SLC24A2: variants seen among roughly 807,000 people sequenced by gnomAD.
SLC24A2 encodes solute carrier family 24 member 2.
Under a neutral mutation model 62.0 loss-of-function variants are expected in SLC24A2, and 36 were observed. That is an observed-to-expected ratio of 0.58 (90% CI 0.44 to 0.77). The LOEUF (loss-of-function observed/expected upper bound fraction) is 0.77. Ranked by LOEUF, SLC24A2 falls within the 30% of genes least tolerant of loss-of-function variation. The pLI is 0.00. For missense variants in SLC24A2, 846 were observed against 817.9 expected (o/e 1.03, Z -0.42); for synonymous variants, 358 against 294.0 (o/e 1.22, Z -2.23).
the SLC24A2 span, among the ~76,000 whole-genome samples, chr9:19,934,613 A>C: frequency 6.6e-6 from 1 of 152,230 alleles, no homozygotes; most frequent in Non-Finnish European, 1.5e-5. The surrounding 1 kb of genome is among the most constrained non-coding windows in gnomAD (Gnocchi z 4.1). Context: ...ACAGGCAGCC[A>C]GCACCTCCTG....
At chr9:20,279,862 C>T in the SLC24A2 span, among the ~76,000 whole-genome samples, 1 of 152,192 alleles carries the variant, frequency 6.6e-6, no homozygotes, top group Non-Finnish European at 1.5e-5. Flanking sequence ...GTCTCAGGGA[C>T]ACACTCTCAT....
At chr9:19,723,454 A>G (rs960591814) in intron 2 of SLC24A2, among the ~76,000 whole-genome samples, 1 of 152,136 alleles carries the variant, frequency 6.6e-6, no homozygotes, top group Non-Finnish European at 1.5e-5. Context: ...CCATTCTATC[A>G]TATTCCATTT....
chr9:20,251,139 G>T, the SLC24A2 span, among the ~76,000 whole-genome samples: 1 of 152,164 alleles, frequency 6.6e-6, no homozygotes, highest in East Asian at 1.9e-4. Flanking sequence ...GCCAGCAAAA[G>T]ACACAACCAA....
intron 2 of SLC24A2, among the ~76,000 whole-genome samples, chr9:19,709,435 G>T (rs1035747133): frequency 6.6e-6 from 1 of 152,106 alleles, no homozygotes; most frequent in African/African-American, 2.4e-5. Context: ...AAATCATGCC[G>T]TTATAAAGAC....
At chr9:19,976,596 A>C in the SLC24A2 span, among the ~76,000 whole-genome samples, 1 of 152,218 alleles carries the variant, frequency 6.6e-6, no homozygotes, top group African/African-American at 2.4e-5. Flanking sequence ...ACCTAGACTT[A>C]GGTAGTTCTT....
the SLC24A2 span, among the ~76,000 whole-genome samples, chr9:20,109,233 T>C: frequency 6.6e-6 from 1 of 152,194 alleles, no homozygotes; most frequent in African/African-American, 2.4e-5. Flanking sequence ...TTAAGTGATA[T>C]ATGACTATGT....
chr9:19,965,904 A>G, the SLC24A2 span, among the ~76,000 whole-genome samples: 1 of 152,140 alleles, frequency 6.6e-6, no homozygotes, highest in Admixed American at 6.6e-5. Context: ...GTAAAGACAT[A>G]TTTCACCCAA....
the SLC24A2 span, among the ~76,000 whole-genome samples, chr9:19,939,011 C>G: frequency 2.6e-5 from 4 of 152,180 alleles, no homozygotes; most frequent in Admixed American, 6.5e-5. Context: ...CATAAGGTAT[C>G]TGTTGTTTAG....
chr9:19,975,391 C>T, the SLC24A2 span, among the ~76,000 whole-genome samples: 3 of 152,180 alleles, frequency 2.0e-5, no homozygotes, highest in Non-Finnish European at 4.4e-5. Context: ...CTTCCATGTT[C>T]ATCCCTATAC....
chr9:19,545,625 C>A (rs1410745106), intron 8 of SLC24A2, among the ~76,000 whole-genome samples: 1 of 151,726 alleles, frequency 6.6e-6, no homozygotes, highest in Non-Finnish European at 1.5e-5. Context: ...ATGTGCTATT[C>A]CTATTTTTTA....
intron 5 of SLC24A2, among the ~76,000 whole-genome samples, chr9:19,579,806 G>A (rs1836148942): frequency 6.6e-6 from 1 of 152,132 alleles, no homozygotes; most frequent in African/African-American, 2.4e-5. Flanking sequence ...TCAGAGTTTA[G>A]GTGTGTGCCA....
intron 7 of SLC24A2, among the ~76,000 whole-genome samples, chr9:19,572,566 C>T (rs1192650761): frequency 1.3e-5 from 2 of 152,184 alleles, no homozygotes; most frequent in Non-Finnish European, 2.9e-5. Flanking sequence ...GACATGCTTG[C>T]TTCCCCTTCA....
chr9:19,906,859 AG>A, the SLC24A2 span, among the ~76,000 whole-genome samples: 14 of 152,220 alleles, frequency 9.2e-5, no homozygotes, highest in Non-Finnish European at 1.5e-4. Flanking sequence ...AAAAAAGTCC[AG>A]GACCAGATGG....
the SLC24A2 span, among the ~76,000 whole-genome samples, chr9:20,139,516 A>T: frequency 6.6e-6 from 1 of 152,234 alleles, no homozygotes. Context: ...CACACACTGT[A>T]CAGAGAATTC....
the SLC24A2 span, among the ~76,000 whole-genome samples, chr9:20,012,975 C>A: frequency 6.6e-6 from 1 of 151,608 alleles, no homozygotes; most frequent in South Asian, 2.1e-4. Context: ...TATGTTCATA[C>A]TATCCAAAGT....
intron 7 of SLC24A2, among the ~76,000 whole-genome samples, chr9:19,572,356 T>G (rs952808001): frequency 2.6e-5 from 4 of 151,998 alleles, no homozygotes; most frequent in Non-Finnish European, 5.9e-5. Flanking sequence ...TTTGGCTCTG[T>G]GTCCCCACCC....
chr9:20,165,253 T>A, the SLC24A2 span, among the ~76,000 whole-genome samples: 8 of 152,060 alleles, frequency 5.3e-5, no homozygotes, highest in South Asian at 1.7e-3. Flanking sequence ...ATAAATTCAA[T>A]TCAACCCCAA....
At chr9:19,701,987 G>C (rs974779080) in intron 2 of SLC24A2, among the ~76,000 whole-genome samples, 8 of 152,136 alleles carry the variant, frequency 5.3e-5, no homozygotes, top group Non-Finnish European at 8.8e-5. Context: ...GGTACATAGA[G>C]TCAGAATCTC....
chr9:19,672,641 T>C (rs1819452562), intron 2 of SLC24A2, among the ~76,000 whole-genome samples: 1 of 146,568 alleles, frequency 6.8e-6, no homozygotes, highest in African/African-American at 2.7e-5. Flanking sequence ...TGTCTATTTG[T>C]GCTTTCAGAC....
Sources: gnomAD v4.1 joint callset for allele counts (sites outside exome capture counted in the v4.1 genomes callset) on GRCh38, gnomAD v4.1.1 for gene constraint, Gnocchi (gnomAD v3.1) non-coding constraint, MANE v1.5 for transcripts, NCBI Gene and HGNC (gene_info 2026-07-23, HGNC 2026-07-21) for gene names.